Variants in TIAM2 observed in about 807,000 individuals in gnomAD.
TIAM2 encodes the protein rho guanine nucleotide exchange factor TIAM2.
TIAM2 carries 80 observed loss-of-function variants against 152.9 expected under a neutral mutation model. The observed-to-expected ratio is 0.52, with a 90% CI of 0.44 to 0.63. TIAM2 has a LOEUF of 0.63. TIAM2 is among the 30% of genes least tolerant of loss of function. The pLI is 0.00. For synonymous variants in TIAM2, 804 were observed against 838.0 expected, an observed-to-expected ratio of 0.96 and a Z score of 0.70; for missense variants, 1,965 against 2,120.1, an observed-to-expected ratio of 0.93 and a Z score of 1.44.
At chr6:155,057,228 C>T (rs1370784494) in intron 1 of TIAM2, among the ~76,000 whole-genome samples, 2 of 151,264 alleles carry the variant, frequency 1.3e-5, no homozygotes, top group South Asian at 2.1e-4. Flanking sequence ...AAATTAGAAC[C>T]GGTTTTCACC....
chr6:155,044,194 A>G (rs1777108917), intron 1 of TIAM2, among the ~76,000 whole-genome samples: 1 of 152,170 alleles, frequency 6.6e-6, no homozygotes, highest in Non-Finnish European at 1.5e-5. Context: ...TTTTTCACAG[A>G]AGATAAATAC....
At chr6:155,126,806 A>C (rs970234892) in intron 2 of TIAM2, among the ~76,000 whole-genome samples, 6 of 151,570 alleles carry the variant, frequency 4.0e-5, no homozygotes, top group East Asian at 1.9e-4. Context: ...ATTACAAATA[A>C]ACTTTTTTTT....
rs138763137 is a variant in TIAM2, at chr6:155,194,955, G to A, written c.3064+11455G>A. On this transcript the variant is annotated intron_variant, in intron 14 of 26. Transcript: ENST00000682666. ...CCTTTGCTGGGCACTGATTCTTCTT[G>A]CTGCCACCATGTGAAGAAAGACATG... Among the ~76,000 whole-genome samples, 670 of 152,222 alleles carry A rather than the reference G, an allele frequency of 4.4e-3. 5 individuals carry two copies. Among genetic ancestry groups the A allele is most frequent in the African/African-American group, 0.01 (435 of 41,542 alleles).
At chr6:155,006,655 G>A (rs1778406774) in intron 1 of TIAM2, among the ~76,000 whole-genome samples, 1 of 142,868 alleles carries the variant, frequency 7.0e-6, no homozygotes, top group Non-Finnish European at 1.5e-5. Flanking sequence ...GACATTTTTA[G>A]AGACTGTCTC....
chr6:155,168,738 C>G, intron 9 of TIAM2: 1 of 902,346 alleles, frequency 1.1e-6, no homozygotes, highest in Non-Finnish European at 1.6e-6. Flanking sequence ...ATATGAAGCT[C>G]TTCTAAAATG....
rs117828318 is a variant in TIAM2 at position 155,230,134 on chromosome 6, T to C, written c.3169-10396T>C. ...CATGCTGTCACCTGTAAGCTGTGTG[T>C]CCAGTAGGCAACAGGGGCTGCTGAA... On this transcript the variant is annotated intron_variant, in intron 15 of 26. Coordinates refer to ENST00000682666, the MANE Select transcript of TIAM2 (RefSeq NM_012454.4). Among the ~76,000 whole-genome samples, 5 of 151,744 alleles carry C rather than the reference T, an allele frequency of 3.3e-5. No individual in the cohort carries two copies. In the East Asian group the frequency reaches 9.8e-4, roughly 30 times the overall value.
intron 6 of TIAM2, among the ~76,000 whole-genome samples, 189 bp downstream of exon 6, chr6:155,144,967 A>T (rs561756381): frequency 6.6e-6 from 1 of 152,292 alleles, no homozygotes; most frequent in South Asian, 2.1e-4. Flanking sequence ...CCAGTCATTC[A>T]TCCAGAGGGC....
intron 24 of TIAM2, chr6:155,253,627 T>C (rs1405534648): frequency 5.0e-6 from 1 of 200,666 alleles, no homozygotes; most frequent in Non-Finnish European, 9.9e-6. Context: ...CTCTTTTACC[T>C]CAAGTACCCC....
chr6:155,016,895 A>G (rs2246362), intron 1 of TIAM2, among the ~76,000 whole-genome samples: 146,995 of 152,298 alleles, frequency 0.97, 70,937 homozygotes, highest in East Asian at 1. Flanking sequence ...GCGAGACTCC[A>G]TCTCAAAATA....
chr6:155,165,155 T>C, intron 8 of TIAM2, 108 bp from the exon 9 acceptor site: 1 of 1,205,428 alleles, frequency 8.3e-7, no homozygotes, highest in Non-Finnish European at 1.1e-6. Context: ...CAGGAGCTTT[T>C]GGCGATAGTC....
At chr6:155,049,735 T>C (rs1336116407) in intron 1 of TIAM2, among the ~76,000 whole-genome samples, 2 of 152,198 alleles carry the variant, frequency 1.3e-5, no homozygotes, top group East Asian at 3.8e-4. Flanking sequence ...AATAGGGTAG[T>C]TGACTTCAGG....
chr6:155,125,763 G>A (rs1779279114), intron 2 of TIAM2, among the ~76,000 whole-genome samples: 1 of 151,952 alleles, frequency 6.6e-6, no homozygotes, highest in African/African-American at 2.4e-5. Flanking sequence ...ACTTGGACCT[G>A]GGAGGCGGAG....
At chr6:154,996,824 G>T (rs1160994416) in intron 1 of TIAM2, among the ~76,000 whole-genome samples, 1 of 152,126 alleles carries the variant, frequency 6.6e-6, no homozygotes, top group Non-Finnish European at 1.5e-5. Context: ...TTGTTCCACC[G>T]GATTTTACCT....
At chr6:155,051,255 G>A (rs550240909) in intron 1 of TIAM2, among the ~76,000 whole-genome samples, 7 of 152,148 alleles carry the variant, frequency 4.6e-5, no homozygotes, top group Non-Finnish European at 7.3e-5. Flanking sequence ...GGCCAAGTCC[G>A]GAAGGCACAG....
intron 14 of TIAM2, among the ~76,000 whole-genome samples, chr6:155,200,329 C>T (rs1485936033): frequency 1.3e-5 from 2 of 152,132 alleles, no homozygotes; most frequent in Non-Finnish European, 2.9e-5. Flanking sequence ...TTTTCATTAA[C>T]CTTGCAATCA....
chr6:155,216,099 G>A (rs372769564), intron 15 of TIAM2, among the ~76,000 whole-genome samples: 88 of 152,258 alleles, frequency 5.8e-4, no homozygotes, highest in African/African-American at 2.0e-3. Context: ...GTGAGTCACC[G>A]TACCCAGTCC....
rs1784123179 is a variant in TIAM2, at chr6:155,257,305, G to A, written c.*184G>A. ...TAATTTATTGTGGATCAGAAACCTA[G>A]ATGAAACTGGTCAGAATCTGTAAAT... On this transcript the variant is annotated 3_prime_UTR_variant, in exon 27 of 27. Coordinates refer to ENST00000682666, the MANE Select transcript of TIAM2 (RefSeq NM_012454.4). The A allele has an allele frequency of 3.0e-6, 2 of 669,594 alleles. No individual in the cohort carries two copies. Among genetic ancestry groups the A allele is most frequent in the Non-Finnish European group, 4.9e-6 (2 of 410,214 alleles). 41.5% of individuals were successfully genotyped at this position (669,594 alleles called of 1,614,324 possible).
At chr6:155,171,241 AAGCC>A (rs1780579963) in intron 9 of TIAM2, among the ~76,000 whole-genome samples, 3 of 152,236 alleles carry the variant, frequency 2.0e-5, no homozygotes, top group African/African-American at 7.2e-5. Flanking sequence ...GTCTGGAATA[AAGCC>A]AGTCTTACTT....
intron 4 of TIAM2, among the ~76,000 whole-genome samples, chr6:155,135,857 TA>T (rs541868887): frequency 5.2e-4 from 79 of 152,294 alleles, no homozygotes; most frequent in African/African-American, 1.6e-3. Flanking sequence ...TAAATGGGTA[TA>T]TTTTTTTCAT....
Sources: gnomAD v4.1 joint callset for allele counts (sites outside exome capture counted in the v4.1 genomes callset) on GRCh38, gnomAD v4.1.1 for gene constraint, MANE v1.5 for transcripts, NCBI Gene and HGNC (gene_info 2026-07-23, HGNC 2026-07-21) for gene names.